XPR1: variants seen among roughly 807,000 people sequenced by gnomAD.
XPR1 encodes the protein solute carrier family 53 member 1.
A neutral mutation model predicts 87.5 loss-of-function variants in XPR1; 28 were observed. The ratio of observed to expected loss-of-function variants is 0.32; its 90% confidence interval spans 0.24 to 0.44. The LOEUF is 0.44. XPR1 is among the 20% of genes least tolerant of loss of function. The pLI, the probability that XPR1 is intolerant of heterozygous loss-of-function variation, is 1.00. For synonymous variants in XPR1, 300 were observed against 306.1 expected (o/e 0.98, Z 0.21); for missense variants, 559 against 862.3 (o/e 0.65, Z 4.41).
intron 2 of XPR1, among the ~76,000 whole-genome samples, chr1:180,740,797 C>G (rs1284771832): frequency 1.3e-5 from 2 of 152,162 alleles, no homozygotes; most frequent in Non-Finnish European, 2.9e-5. Context: ...TCTCTTAGCA[C>G]TCGAGGCTGG....
intron 7 of XPR1, among the ~76,000 whole-genome samples, chr1:180,820,960 G>T (rs757808420): frequency 1.1e-4 from 17 of 151,218 alleles, no homozygotes; most frequent in African/African-American, 3.9e-4. Context: ...ATGTGTTCTA[G>T]ATACTAGACC....
intron 2 of XPR1, among the ~76,000 whole-genome samples, chr1:180,722,624 T>G (rs1658212692): frequency 6.6e-6 from 1 of 152,218 alleles, no homozygotes; most frequent in South Asian, 2.1e-4. Context: ...AATTTATAGT[T>G]ATTAACCTTG....
intron 2 of XPR1, among the ~76,000 whole-genome samples, chr1:180,736,343 T>C (rs980492287): frequency 1.3e-5 from 2 of 152,168 alleles, no homozygotes; most frequent in Admixed American, 6.5e-5. Context: ...TTGGCTCTTA[T>C]GAGGACTAAA....
intron 1 of XPR1, among the ~76,000 whole-genome samples, chr1:180,670,125 TTAGATC>T (rs1656115596): frequency 6.6e-6 from 1 of 152,206 alleles, no homozygotes; most frequent in Non-Finnish European, 1.5e-5. Flanking sequence ...GTTTGTGTCT[TTAGATC>T]TAAAGTGTCT....
intron 2 of XPR1, among the ~76,000 whole-genome samples, chr1:180,702,393 C>T (rs1358159967): frequency 6.7e-6 from 1 of 149,212 alleles, no homozygotes; most frequent in East Asian, 2.0e-4. Flanking sequence ...TGGTGTGGTG[C>T]TGAAAAAAAT....
At chr1:180,859,211 G>A (rs1219418788) in intron 11 of XPR1, among the ~76,000 whole-genome samples, 4 of 151,834 alleles carry the variant, frequency 2.6e-5, no homozygotes, top group Non-Finnish European at 4.4e-5. Flanking sequence ...TTCCCACATT[G>A]TCCCTTTAGT....
At chr1:180,810,288 A>G (rs1160766116) in intron 6 of XPR1, among the ~76,000 whole-genome samples, 1 of 152,184 alleles carries the variant, frequency 6.6e-6, no homozygotes, top group East Asian at 1.9e-4. Context: ...ACTTTAAATT[A>G]CCCCAGTATG....
chr1:180,774,045 G>T (rs1558001509), intron 2 of XPR1, among the ~76,000 whole-genome samples: 1 of 152,052 alleles, frequency 6.6e-6, no homozygotes, highest in African/African-American at 2.4e-5. Context: ...TTCTCAGTAT[G>T]ATTCTGTGAT....
chr1:180,739,977 G>T (rs1658863914), intron 2 of XPR1, among the ~76,000 whole-genome samples: 1 of 152,082 alleles, frequency 6.6e-6, no homozygotes, highest in Admixed American at 6.5e-5. Flanking sequence ...CTTCCAAAGT[G>T]CTGGGATTAC....
intron 2 of XPR1, among the ~76,000 whole-genome samples, chr1:180,750,623 T>C (rs1647495347): frequency 6.6e-6 from 1 of 152,126 alleles, no homozygotes. Context: ...TTTATGCAGG[T>C]GCAACATTTG....
intron 11 of XPR1, among the ~76,000 whole-genome samples, chr1:180,843,284 TAA>T (rs200846178): frequency 0.012 from 1,834 of 149,002 alleles, 39 homozygotes; most frequent in African/African-American, 0.041. Flanking sequence ...TCATTAACTT[TAA>T]AAAAAAAAAG....
At chr1:180,640,205 A>G (rs1654920562) in intron 1 of XPR1, among the ~76,000 whole-genome samples, 1 of 152,228 alleles carries the variant, frequency 6.6e-6, no homozygotes, top group African/African-American at 2.4e-5. Flanking sequence ...TTGAAATTAA[A>G]TCAAATCAGA....
intron 1 of XPR1, among the ~76,000 whole-genome samples, chr1:180,661,476 CGTGTGTGTGTGTGTGTGTGTGTGTGT>C (rs60527318): frequency 2.8e-5 from 4 of 142,358 alleles, no homozygotes; most frequent in South Asian, 4.6e-4. Context: ...TTTAATTTTT[CGTGTGTGTGTGTGTGTGTGTGTGTGT>C]GTGTGTGTGT....
intron 2 of XPR1, among the ~76,000 whole-genome samples, chr1:180,693,332 G>A (rs1657053646): frequency 1.3e-5 from 2 of 152,192 alleles, no homozygotes; most frequent in Admixed American, 1.3e-4. Context: ...AGCATATGAA[G>A]TTGTGATCAG....
chr1:180,842,080 A>G (rs928711436), intron 11 of XPR1, among the ~76,000 whole-genome samples: 2 of 152,240 alleles, frequency 1.3e-5, no homozygotes, highest in African/African-American at 4.8e-5. Context: ...TCATTAAGCC[A>G]AAAGAAAAGA....
At chr1:180,853,120 T>G (rs1471548886) in intron 11 of XPR1, among the ~76,000 whole-genome samples, 1 of 151,974 alleles carries the variant, frequency 6.6e-6, no homozygotes, top group Non-Finnish European at 1.5e-5. Context: ...GAGAGACGGG[T>G]ATTCGCCACG....
At chr1:180,750,712 A>G (rs1647497787) in intron 2 of XPR1, among the ~76,000 whole-genome samples, 1 of 151,992 alleles carries the variant, frequency 6.6e-6, no homozygotes, top group African/African-American at 2.4e-5. Flanking sequence ...AAATTGTTTG[A>G]CTATTTTAAC....
At chr1:180,826,202 A>G (rs1650830218) in intron 9 of XPR1, among the ~76,000 whole-genome samples, 1 of 152,192 alleles carries the variant, frequency 6.6e-6, no homozygotes, top group Non-Finnish European at 1.5e-5. Flanking sequence ...TCTTCTGTAA[A>G]GATAACTCCG....
intron 9 of XPR1, among the ~76,000 whole-genome samples, chr1:180,825,789 G>A (rs747433837): frequency 2.6e-5 from 4 of 152,156 alleles, no homozygotes; most frequent in African/African-American, 4.8e-5. Context: ...GGTGGCTCAC[G>A]CCTGTAATCC....
Sources: gnomAD v4.1 joint callset for allele counts (sites outside exome capture counted in the v4.1 genomes callset) on GRCh38, gnomAD v4.1.1 for gene constraint, MANE v1.5 for transcripts, NCBI Gene and HGNC (gene_info 2026-07-23, HGNC 2026-07-21) for gene names.